Variants in ELAPOR2 observed in about 807,000 individuals in gnomAD.
The protein encoded by ELAPOR2 is endosome/lysosome-associated apoptosis and autophagy regulator family member 2.
In ELAPOR2, 89 loss-of-function variants were observed where a neutral mutation model predicts 120.7. The observed-to-expected ratio is 0.74, with a 90% confidence interval of 0.62 to 0.88. The LOEUF is 0.88. Among genes scored for constraint, ELAPOR2 ranks in the 40% least tolerant of loss-of-function variants. ELAPOR2 has a pLI of 0.00. For missense variants in ELAPOR2, 1,134 were observed against 1,251.6 expected (o/e 0.91, Z 1.42); for synonymous variants, 444 against 444.9 (o/e 1.00, Z 0.03).
At chr7:87,022,200 G>C (rs936180562) in intron 1 of ELAPOR2, among the ~76,000 whole-genome samples, 4 of 151,576 alleles carry the variant, frequency 2.6e-5, no homozygotes, top group Non-Finnish European at 4.4e-5. Context: ...TTTAACATTA[G>C]TTATATCTCC....
intron 2 of ELAPOR2, among the ~76,000 whole-genome samples, chr7:86,955,215 A>T (rs1791422781): frequency 6.6e-6 from 1 of 152,138 alleles, no homozygotes; most frequent in Admixed American, 6.6e-5. Context: ...TATTTGTGAA[A>T]TTCTTAGAGA....
At chr7:86,987,268 T>C (rs896719053) in intron 1 of ELAPOR2, among the ~76,000 whole-genome samples, 8 of 152,118 alleles carry the variant, frequency 5.3e-5, no homozygotes, top group South Asian at 2.1e-4. Flanking sequence ...GGCAATACCA[T>C]TCAGGACATA....
At chr7:86,960,414 C>T (rs903004228) in intron 2 of ELAPOR2, among the ~76,000 whole-genome samples, 1 of 152,106 alleles carries the variant, frequency 6.6e-6, no homozygotes, top group African/African-American at 2.4e-5. Flanking sequence ...CCACACCTGG[C>T]TGATTTTTTT....
intron 1 of ELAPOR2, among the ~76,000 whole-genome samples, chr7:87,014,667 A>G (rs115722931): frequency 0.035 from 5,388 of 152,290 alleles, 118 homozygotes; most frequent in African/African-American, 0.049. Flanking sequence ...ATATTTTAAA[A>G]TTTAAATTTT....
chr7:86,902,003 G>A (rs1788748900), intron 18 of ELAPOR2, among the ~76,000 whole-genome samples: 1 of 152,052 alleles, frequency 6.6e-6, no homozygotes, highest in African/African-American at 2.4e-5. Flanking sequence ...TATTAAATTG[G>A]GTAGTTTATA....
intron 8 of ELAPOR2, among the ~76,000 whole-genome samples, chr7:86,931,637 C>T (rs1309438493): frequency 6.6e-6 from 1 of 151,680 alleles, no homozygotes; most frequent in Non-Finnish European, 1.5e-5. Flanking sequence ...CGTTTCACTA[C>T]CTTCTATGTG....
chr7:86,939,190 T>G (rs1790698588), intron 6 of ELAPOR2, among the ~76,000 whole-genome samples: 1 of 152,088 alleles, frequency 6.6e-6, no homozygotes. Flanking sequence ...GGTATAATAC[T>G]TGTATTAACT....
At chr7:86,944,828 G>T in intron 4 of ELAPOR2, 71 bp downstream of exon 4, 1 of 1,304,776 alleles carries the variant, frequency 7.7e-7, no homozygotes, top group Non-Finnish European at 1.0e-6. Flanking sequence ...AGTGGAATGG[G>T]AACAACTGAC....
At chr7:86,928,475 T>C (rs1382063619) in intron 8 of ELAPOR2, among the ~76,000 whole-genome samples, 2 of 151,978 alleles carry the variant, frequency 1.3e-5, no homozygotes, top group Non-Finnish European at 1.5e-5. Context: ...ACTGCACTAG[T>C]GAAAGTAGTT....
chr7:86,943,545 C>T (rs1170630117), intron 4 of ELAPOR2, among the ~76,000 whole-genome samples: 1 of 151,922 alleles, frequency 6.6e-6, no homozygotes, highest in Non-Finnish European at 1.5e-5. Context: ...TTTGCCATCC[C>T]TTTTCAGATT....
chr7:86,987,968 C>T (rs1635026), intron 1 of ELAPOR2, among the ~76,000 whole-genome samples: 57,535 of 151,962 alleles, frequency 0.38, 11,743 homozygotes, highest in African/African-American at 0.53. Flanking sequence ...CAATGATAGA[C>T]TGGATTAAGA....
chr7:86,897,314 A>C (rs1788480508), intron 19 of ELAPOR2, among the ~76,000 whole-genome samples, 192 bp downstream of exon 19: 1 of 152,064 alleles, frequency 6.6e-6, no homozygotes, highest in African/African-American at 2.4e-5. Flanking sequence ...CATTCTCCTC[A>C]ATCCCAGTGC....
intron 9 of ELAPOR2, among the ~76,000 whole-genome samples, chr7:86,926,243 C>T (rs1790060999): frequency 6.6e-6 from 1 of 151,926 alleles, no homozygotes; most frequent in South Asian, 2.1e-4. Flanking sequence ...CTTTTCCAAC[C>T]ATTTAGAAAT....
chr7:86,959,118 A>G (rs989475163), intron 2 of ELAPOR2, among the ~76,000 whole-genome samples: 7 of 151,984 alleles, frequency 4.6e-5, no homozygotes, highest in Non-Finnish European at 7.4e-5. Flanking sequence ...TTCTCTTTGG[A>G]TAGTTAATTA....
intron 15 of ELAPOR2, among the ~76,000 whole-genome samples, chr7:86,910,612 T>C (rs1360216823): frequency 2.0e-5 from 3 of 152,138 alleles, no homozygotes; most frequent in Non-Finnish European, 2.9e-5. Flanking sequence ...ATAGAGAGAT[T>C]AGCTTTTTTA....
At position 87,022,630 on chromosome 7, in the gene ELAPOR2, T is replaced by A. The variant is rs539000299; in HGVS notation, c.189+36695A>T. 2.4e-4 allele frequency among the ~76,000 whole-genome samples: 36 copies of A among 152,126 alleles called. 1 individual carries two copies. In the East Asian group the frequency reaches 6.4e-3, roughly 27 times the overall value. ...GACTGGGTCAAATGGTATTTCTAGTTCTAGATCCCTGAGGAATCGCCACAC... is the reference window on the plus strand; with the variant it reads ...GACTGGGTCAAATGGTATTTCTAGTACTAGATCCCTGAGGAATCGCCACAC... On this transcript the variant is annotated intron_variant, in intron 1 of 21. Coordinates refer to ENST00000450689, the MANE Select transcript of ELAPOR2 (RefSeq NM_001142749.3).
chr7:86,908,580 G>T, intron 16 of ELAPOR2, 37 bp from the exon 17 acceptor site: 1 of 947,418 alleles, frequency 1.1e-6, no homozygotes, highest in Non-Finnish European at 1.6e-6. Flanking sequence ...TAAGCAATAT[G>T]GAAAATTAGT....
intron 1 of ELAPOR2, among the ~76,000 whole-genome samples, chr7:86,994,338 A>T (rs1484690940): frequency 6.6e-6 from 1 of 152,224 alleles, no homozygotes; most frequent in Non-Finnish European, 1.5e-5. Flanking sequence ...TATAACAATG[A>T]GTAAATAAAA....
chr7:86,905,070 A>AGAAGGAAGGAAGGAAGGAAGGAAGGAAG (rs201126011), intron 18 of ELAPOR2, among the ~76,000 whole-genome samples: 8 of 98,200 alleles, frequency 8.1e-5, no homozygotes, highest in East Asian at 3.4e-4. Context: ...ACAGAGAGAG[A>AGAAGGAAGGAAGGAAGGAAGGAAGGAAG]GAAGGAAGGA....
Sources: gnomAD v4.1 joint callset for allele counts (sites outside exome capture counted in the v4.1 genomes callset) on GRCh38, gnomAD v4.1.1 for gene constraint, MANE v1.5 for transcripts, NCBI Gene and HGNC (gene_info 2026-07-23, HGNC 2026-07-21) for gene names.